SBNO1: variants seen among roughly 807,000 people sequenced by gnomAD.
SBNO1 encodes the protein protein strawberry notch homolog 1.
A neutral mutation model predicts 173.6 loss-of-function variants in SBNO1; 23 were observed. That is an observed-to-expected ratio of 0.13 (90% confidence interval 0.10 to 0.19). The LOEUF (loss-of-function observed/expected upper bound fraction) is 0.19. Among genes scored for constraint, SBNO1 ranks in the 10% least tolerant of loss-of-function variants. SBNO1 has a pLI of 1.00. For synonymous variants in SBNO1, 632 were observed against 571.5 expected, an observed-to-expected ratio of 1.11 and a Z score of -1.51; for missense variants, 1,238 against 1,671.2, an observed-to-expected ratio of 0.74 and a Z score of 4.52.
In SBNO1 at chr12:123,317,295, G is replaced by T. The variant is rs1869396963; in HGVS notation, c.2861C>A (p.Ala954Asp). ...SGISLQADRR[A>D]KNQRRRVHMT... Reference sequence around the variant, plus strand: ...ATGAACTCTTCGCCTTTGATTTTTAGCTCTCCTATCTGCTTGTAATGAAAT... The same window carrying T: ...ATGAACTCTTCGCCTTTGATTTTTATCTCTCCTATCTGCTTGTAATGAAAT... Residue 954 changes from alanine (A) to aspartate (D), a missense_variant, in exon 21 of 32, where the codon GCT becomes GAT. Physicochemically the swap from Ala to Asp is moderately radical, Grantham distance 126 (BLOSUM62 -2). This residue lies in a region of SBNO1 where 39 missense variants were observed against 129.7 expected (regional missense o/e 0.30). Coordinates refer to ENST00000602398, the MANE Select transcript of SBNO1 (RefSeq NM_001167856.3). 6.2e-7 allele frequency: 1 copy of T among 1,613,766 alleles called. No homozygotes were observed. The highest frequency in any genetic ancestry group is 1.1e-5 in the South Asian group (1 of 91,080).
At chr12:123,316,819 C>T (rs1353949021) in intron 21 of SBNO1, among the ~76,000 whole-genome samples, 2 of 151,294 alleles carry the variant, frequency 1.3e-5, no homozygotes, top group African/African-American at 4.8e-5. Flanking sequence ...TCTCCCGTCT[C>T]AGCACCCTAA....
At chr12:123,317,442 C>T in intron 20 of SBNO1, 86 bp from the exon 21 acceptor site, 1 of 1,131,496 alleles carries the variant, frequency 8.8e-7, no homozygotes, top group Non-Finnish European at 1.3e-6. Flanking sequence ...AGCAGACTGC[C>T]TATTCTCTCC....
chr12:123,352,491 A>G (rs906312103), intron 1 of SBNO1, among the ~76,000 whole-genome samples: 2 of 151,972 alleles, frequency 1.3e-5, no homozygotes, highest in African/African-American at 4.8e-5. Flanking sequence ...AGGGTTTCAC[A>G]ATGTTGGCCA....
intron 25 of SBNO1, among the ~76,000 whole-genome samples, chr12:123,310,161 C>T (rs1477429882): frequency 6.6e-6 from 1 of 152,198 alleles, no homozygotes; most frequent in Non-Finnish European, 1.5e-5. Flanking sequence ...ACTGTAGTGG[C>T]ACTATTAGAA....
At chr12:123,326,446 T>G in intron 13 of SBNO1, 112 bp from the exon 14 acceptor site, 1 of 573,662 alleles carries the variant, frequency 1.7e-6, no homozygotes, top group Non-Finnish European at 2.7e-6. Context: ...ATTAATTTAA[T>G]AAATCATCTT....
chr12:123,333,068 G>T (rs1225269323), intron 7 of SBNO1, among the ~76,000 whole-genome samples: 1 of 151,848 alleles, frequency 6.6e-6, no homozygotes, highest in East Asian at 1.9e-4. Context: ...AGGTTCCAGT[G>T]AGCCAAGATC....
rs1047580170 is a variant in SBNO1, at chr12:123,296,007, G to A, written c.4083C>T (p.Leu1361=). The change falls in exon 32 of 32, where the codon CTC becomes CTT. Residue 1361 remains leucine (L), a synonymous_variant. Transcript: ENST00000602398. ...GTTGAGACTGGTCTGAAGTTGATAGGAGATTTACAAGAGGAGACACACAAT... is the reference window on the plus strand; with the variant it reads ...GTTGAGACTGGTCTGAAGTTGATAGAAGATTTACAAGAGGAGACACACAAT... ...PANCVSPLVN[L]LSTSDQSQQL... 2 of 1,613,892 alleles carry A rather than the reference G, an allele frequency of 1.2e-6. No individual in the cohort carries two copies. The highest frequency in any genetic ancestry group is 2.7e-5 in the African/African-American group (2 of 74,920).
At chr12:123,321,772 ATGTTTC>A (rs1426294105) in intron 16 of SBNO1, 40 bp from the exon 17 acceptor site, 1 of 1,515,062 alleles carries the variant, frequency 6.6e-7, no homozygotes, top group Non-Finnish European at 9.2e-7. Context: ...CCCAAATTCA[ATGTTTC>A]TTAAGATCCA....
intron 30 of SBNO1, 90 bp from the exon 31 acceptor site, chr12:123,298,261 TTTTC>T (rs901341216): frequency 8.9e-7 from 1 of 1,124,218 alleles, no homozygotes; most frequent in Non-Finnish European, 1.2e-6. Context: ...CTCAAATTTC[TTTTC>T]TTTTCTTTTT....
chr12:123,302,812 G>T lies in SBNO1; in HGVS notation c.3845+12C>A. 1 of 1,606,548 alleles carries T rather than the reference G, an allele frequency of 6.2e-7. No individual in the cohort carries two copies. Among genetic ancestry groups the T allele is most frequent in the Non-Finnish European group, 8.5e-7 (1 of 1,173,970 alleles). On this transcript the variant is annotated intron_variant, in intron 30 of 31. Transcript: ENST00000602398. The stretch of plus-strand genomic sequence containing the variant: ...TTTTGGAAAATTTGGTAGGAAACAC[G>T]AAAATACTAACCAATAAGCATGAGT...
Position 123,326,161 on chromosome 12 carries a change from C to T in SBNO1, c.1866G>A (p.Lys622=). Residue 622 remains lysine (K), a synonymous_variant, in exon 14 of 32, where the codon AAG becomes AAA. Transcript: ENST00000602398. ...RVVQLAREEI[K]NGKCVVIGLQ... ...GAGTTCTTCTACTTACTTTTCCATT[C>T]TTGATTTCCTCTCGAGCTAGTTGCA... 8 of 1,605,294 alleles carry T rather than the reference C, an allele frequency of 5.0e-6. No homozygotes were observed. Among genetic ancestry groups the T allele is most frequent in the Non-Finnish European group, 6.8e-6 (8 of 1,174,996 alleles).
intron 1 of SBNO1, among the ~76,000 whole-genome samples, chr12:123,352,901 A>C (rs1874050568): frequency 1.3e-5 from 2 of 152,018 alleles, no homozygotes; most frequent in Non-Finnish European, 2.9e-5. Context: ...AGGTTCAAGA[A>C]ATTCTCCTGC....
chr12:123,296,572 T>G (rs1034364127), intron 31 of SBNO1, among the ~76,000 whole-genome samples: 1 of 151,908 alleles, frequency 6.6e-6, no homozygotes, highest in Non-Finnish European at 1.5e-5. Flanking sequence ...TTTTTGTTTT[T>G]TTTTTCTGAG....
intron 30 of SBNO1, among the ~76,000 whole-genome samples, chr12:123,299,299 C>G (rs1035434499): frequency 6.6e-6 from 1 of 150,918 alleles, no homozygotes; most frequent in South Asian, 2.1e-4. Flanking sequence ...ACCCAGGAGG[C>G]GGAGCTTGCA....
In SBNO1 at chr12:123,305,277, C is replaced by G. The variant is rs1427136052; in HGVS notation, c.3631-558G>C. On this transcript the variant is annotated intron_variant, in intron 28 of 31. Coordinates refer to ENST00000602398, the MANE Select transcript of SBNO1 (RefSeq NM_001167856.3). ...CCCCAGTCCTCTGCACTTGTCTACT[C>G]CGTCAGTACTGCCTTTCCCGATGTC... Among the ~76,000 whole-genome samples, 41 of 152,230 alleles carry G rather than the reference C, an allele frequency of 2.7e-4. 1 individual carries two copies. Among genetic ancestry groups the G allele is most frequent in the Admixed American group, 2.5e-3 (38 of 15,266 alleles).
chr12:123,341,930 G>A (rs1872612100), intron 4 of SBNO1, among the ~76,000 whole-genome samples: 1 of 152,130 alleles, frequency 6.6e-6, no homozygotes, highest in African/African-American at 2.4e-5. Flanking sequence ...AAAGGAACGT[G>A]TGCAAGGGAA....
intron 25 of SBNO1, 64 bp downstream of exon 25, chr12:123,310,991 A>AT: frequency 8.3e-7 from 1 of 1,199,220 alleles, no homozygotes; most frequent in South Asian, 1.2e-5. Context: ...TCAAAAGCAT[A>AT]TATCATAATG....
At position 123,292,814 on chromosome 12, in the gene SBNO1, GA is replaced by G. The variant is rs960730801; in HGVS notation, c.*3093del. 2.6e-5 allele frequency: 4 copies of G among 152,208 alleles called. No homozygotes were observed. The highest frequency in any genetic ancestry group is 9.6e-5 in the African/African-American group (4 of 41,454). The allele number at this position is 152,208 out of a possible 1,614,324, so 9.4% of individuals were successfully genotyped here. A position where few individuals can be genotyped will look rare whatever the true frequency, so the allele number is the denominator to read the frequency against. On this transcript the variant is annotated 3_prime_UTR_variant, in exon 32 of 32. Coordinates refer to ENST00000602398, the MANE Select transcript of SBNO1 (RefSeq NM_001167856.3). ...AGTGTCTAACTGTAATTTAGCAGCAGAAAAAGAAAACTGCTTAACATATTTG... is the reference window on the plus strand; with the variant it reads ...AGTGTCTAACTGTAATTTAGCAGCAGAAAAGAAAACTGCTTAACATATTTG...
chr12:123,299,336 C>A (rs891733439), intron 30 of SBNO1, among the ~76,000 whole-genome samples: 1 of 149,848 alleles, frequency 6.7e-6, no homozygotes, highest in African/African-American at 2.5e-5. Flanking sequence ...CCACTGCACT[C>A]CAGCCTGGGC....
Sources: gnomAD v4.1 joint callset for allele counts (sites outside exome capture counted in the v4.1 genomes callset) on GRCh38, gnomAD v4.1.1 for gene constraint, gnomAD v4.1.1 regional missense constraint, MANE v1.5 for transcripts, NCBI Gene and HGNC (gene_info 2026-07-23, HGNC 2026-07-21) for gene names.